The following BEND2 variants were observed in gnomAD, a reference collection of about 807,000 sequenced individuals.
BEND2 encodes the protein BEN domain-containing protein 2.
In BEND2, 19 loss-of-function variants were observed where a neutral mutation model predicts 43.8. The ratio of observed to expected loss-of-function variants is 0.43; its 90% CI spans 0.30 to 0.64. BEND2 has a LOEUF of 0.64. BEND2 is among the 30% of genes least tolerant of loss of function. The pLI, the probability that BEND2 is intolerant of heterozygous loss-of-function variation, is 0.11. For missense variants in BEND2, 544 were observed against 574.0 expected (o/e 0.95, Z 0.53); for synonymous variants, 226 against 210.1 (o/e 1.08, Z -0.66).
chrX:18,168,509 G>C (rs7890339), intron 13 of BEND2, among the ~76,000 whole-genome samples: 6,038 of 111,638 alleles, frequency 0.054, 437 homozygotes, highest in African/African-American at 0.19. Flanking sequence ...GCTGAGATAG[G>C]AGTTCCTGCT....
chrX:18,173,492 C>A (rs1924038894), intron 12 of BEND2, among the ~76,000 whole-genome samples: 1 of 111,975 alleles, frequency 8.9e-6, no homozygotes, highest in Non-Finnish European at 1.9e-5. Flanking sequence ...TATCACTCAT[C>A]GGTATGGGTG....
rs779784627 is a variant in BEND2, at chrX:18,212,579, A to C, written c.478T>G (p.Phe160Val). 1 of 1,184,020 alleles carries C rather than the reference A, an allele frequency of 8.4e-7. No individual in the cohort carries two copies. The highest frequency in any genetic ancestry group is 1.1e-6 in the Non-Finnish European group (1 of 870,465). ...ATAATATCTACCTCTGGAGTATAGA[A>C]TCTTCCTCTTTTTGGAAAATCCACT... ...EEVDFPKRGR[F>V]YTPEVQSSIS... Residue 160 changes from phenylalanine (F) to valine (V), a missense_variant, in exon 4 of 14, where the codon TTC (phenylalanine) becomes GTC (valine). Physicochemically the swap from Phe to Val is conservative, Grantham distance 50. This residue lies in a region of BEND2 where 501 missense variants were observed against 501.6 expected (regional missense o/e 1.00). Transcript: ENST00000380033.
Position 18,203,855 on chromosome X carries a change from C to G in BEND2, c.553G>C (p.Ala185Pro). Residue 185 changes from alanine (A) to proline (P), a missense_variant, in exon 5 of 14, where the codon GCT becomes CCT. Around this residue, in one of 2 missense-constraint regions of BEND2, gnomAD observed 501 missense variants for 501.6 expected, o/e 1.00. Transcript: ENST00000380033. Reference sequence around the variant, plus strand: ...GCTGCTGACTCAAGAGATGTTACAGCAGGGCTGGCCCAGGCATGGGTTTCC... The same window carrying G: ...GCTGCTGACTCAAGAGATGTTACAGGAGGGCTGGCCCAGGCATGGGTTTCC... ...RQETHAWASPAVTSLESAACH... is the reference protein window; with the variant it reads ...RQETHAWASPPVTSLESAACH... 1 of 1,209,079 alleles carries G rather than the reference C, an allele frequency of 8.3e-7. No individual in the cohort carries two copies. The highest frequency in any genetic ancestry group is 3.0e-5 in the East Asian group (1 of 33,766).
At chrX:18,184,150 C>A (rs1432314044) in intron 8 of BEND2, among the ~76,000 whole-genome samples, 1 of 111,458 alleles carries the variant, frequency 9.0e-6, no homozygotes, top group African/African-American at 3.3e-5. Flanking sequence ...CAGCTCCATG[C>A]AGCTCACCAT....
chrX:18,202,797 G>C (rs1925208952), intron 5 of BEND2, among the ~76,000 whole-genome samples: 1 of 111,859 alleles, frequency 8.9e-6, no homozygotes, highest in African/African-American at 3.2e-5. Context: ...AATCATGTCA[G>C]AGAAATGAAA....
At chrX:18,182,339 T>G (rs1002797244) in intron 8 of BEND2, among the ~76,000 whole-genome samples, 1 of 111,418 alleles carries the variant, frequency 9.0e-6, no homozygotes, top group African/African-American at 3.3e-5. Context: ...TTAAGTTTCC[T>G]GAGATCTCCC....
chrX:18,181,669 G>A (rs1242381190), intron 8 of BEND2, among the ~76,000 whole-genome samples: 1 of 111,534 alleles, frequency 9.0e-6, no homozygotes, highest in Non-Finnish European at 1.9e-5. Context: ...CATTCCAAAT[G>A]GTAAAATGCT....
intron 4 of BEND2, among the ~76,000 whole-genome samples, chrX:18,207,705 C>G (rs1340291291): frequency 8.9e-6 from 1 of 112,254 alleles, no homozygotes; most frequent in Non-Finnish European, 1.9e-5. Context: ...CAGAACTTGA[C>G]ACAGCAAAAT....
At chrX:18,177,437 A>C in intron 10 of BEND2, 132 bp downstream of exon 10, 1 of 666,708 alleles carries the variant, frequency 1.5e-6, no homozygotes, top group Non-Finnish European at 2.3e-6. Context: ...TCAGGGTCAG[A>C]CAGGTGAAAA....
rs1923909958 is a variant in BEND2 at position 18,169,472 on chromosome X, T to A, written c.2185+1529A>T. Among the ~76,000 whole-genome samples the A allele has an allele frequency of 2.7e-5, 3 of 112,129 alleles. No homozygotes were observed. The South Asian group carries it at 1.1e-3, about 42-fold the overall frequency. On this transcript the variant is annotated intron_variant, in intron 13 of 13. Transcript: ENST00000380033. ...TCTGTATGTTTGAACTCATTTCGAA[T>A]GAAGGAGTACTTTTACAAAAATCAT...
chrX:18,218,353 T>C (rs140823937), intron 1 of BEND2, among the ~76,000 whole-genome samples: 3,126 of 111,748 alleles, frequency 0.028, 101 homozygotes, highest in African/African-American at 0.095. Context: ...CAAGGAACTT[T>C]AGATTCTGTC....
chrX:18,173,659 C>T (rs763214967), intron 12 of BEND2, among the ~76,000 whole-genome samples: 3 of 111,249 alleles, frequency 2.7e-5, no homozygotes, highest in South Asian at 3.9e-4. Context: ...ATGAGATTCA[C>T]GAATTCGTGC....
At chrX:18,207,026 C>A (rs1925355941) in intron 4 of BEND2, among the ~76,000 whole-genome samples, 1 of 111,366 alleles carries the variant, frequency 9.0e-6, no homozygotes, top group Non-Finnish European at 1.9e-5. Flanking sequence ...CCCACAGATG[C>A]TGCCTCCCAC....
At chrX:18,201,396 C>CAAAAA (rs1227049211) in intron 6 of BEND2, among the ~76,000 whole-genome samples, 54 of 20,611 alleles carry the variant, frequency 2.6e-3, no homozygotes, top group South Asian at 6.7e-3. Context: ...AACTCCATCT[C>CAAAAA]AAAAAAAAAA....
In BEND2 at chrX:18,165,121, T is replaced by C; in HGVS notation, c.2288A>G (p.His763Arg). The C allele has an allele frequency of 1.7e-6, 2 of 1,209,829 alleles. No homozygotes were observed. The highest frequency in any genetic ancestry group is 2.2e-6 in the Non-Finnish European group (2 of 894,873). ...SINSGIRSLRHDVRRAEARSQ... is the reference protein window; with the variant it reads ...SINSGIRSLRRDVRRAEARSQ... ...CCTGGCTTCAGCCCTTCTGACGTCATGTCTAAGGCTACGGATACCGCTGTT... is the reference window on the plus strand; with the variant it reads ...CCTGGCTTCAGCCCTTCTGACGTCACGTCTAAGGCTACGGATACCGCTGTT... Residue 763 changes from histidine (H) to arginine (R), a missense_variant, in exon 14 of 14, where the codon CAT (histidine) becomes CGT (arginine). Around this residue, in one of 2 missense-constraint regions of BEND2, gnomAD observed 43 missense variants for 72.4 expected, o/e 0.59. Transcript: ENST00000380033.
chrX:18,186,507 CA>C (rs2147405087), intron 8 of BEND2, among the ~76,000 whole-genome samples: 1 of 95,372 alleles, frequency 1.0e-5, no homozygotes, highest in African/African-American at 3.8e-5. Flanking sequence ...TAAAGAGAAA[CA>C]AAAAGTTAAA....
intron 4 of BEND2, among the ~76,000 whole-genome samples, chrX:18,206,034 A>C (rs974987175): frequency 9.0e-6 from 1 of 111,700 alleles, no homozygotes; most frequent in African/African-American, 3.3e-5. Flanking sequence ...CAATGTCCTC[A>C]TGTAGGGAAT....
chrX:18,212,336 T>C (rs1925535969), intron 4 of BEND2, among the ~76,000 whole-genome samples: 1 of 110,547 alleles, frequency 9.0e-6, no homozygotes, highest in Non-Finnish European at 1.9e-5. Flanking sequence ...TGACCTCAGG[T>C]GATCTACCCG....
intron 6 of BEND2, among the ~76,000 whole-genome samples, chrX:18,196,170 G>C (rs185022625): frequency 9.2e-6 from 1 of 109,246 alleles, no homozygotes; most frequent in African/African-American, 3.3e-5. Flanking sequence ...GTGGTGGTGG[G>C]TGCCTGTAAT....
Sources: allele counts gnomAD v4.1 joint callset (sites outside exome capture counted in the v4.1 genomes callset), GRCh38; gene constraint gnomAD v4.1.1; regional missense constraint gnomAD v4.1.1; transcripts MANE v1.5; gene names NCBI Gene and HGNC (gene_info 2026-07-23, HGNC 2026-07-21).